Variants in KDM2B observed in about 807,000 individuals in gnomAD.
The protein encoded by KDM2B is lysine demethylase 2B.
In KDM2B, 26 loss-of-function variants were observed where a neutral mutation model predicts 150.0. The observed-to-expected ratio is 0.17, with a 90% CI of 0.13 to 0.24. The LOEUF (loss-of-function observed/expected upper bound fraction) is 0.24. Among genes scored for constraint, KDM2B ranks in the 10% least tolerant of loss-of-function variants. The pLI is 1.00. For missense variants in KDM2B, 1,265 were observed against 1,816.9 expected (o/e 0.70, Z 5.52); for synonymous variants, 734 against 729.5 (o/e 1.01, Z -0.10).
chr12:121,575,772 G>C lies in KDM2B; in HGVS notation c.350+9C>G. ...ACGGGGGAAGGAGTGATTAGTTTCA[G>C]CAACTTACTTAATTCCCAGTCCATC... On this transcript the variant is annotated intron_variant, in intron 3 of 22. Coordinates refer to ENST00000377071, the MANE Select transcript of KDM2B (RefSeq NM_032590.5). This position sits in a 1 kb window ranked among gnomAD's most constrained non-coding sequence, Gnocchi z 4.4. 6.2e-7 allele frequency: 1 copy of C among 1,600,524 alleles called. No homozygotes were observed. The highest frequency in any genetic ancestry group is 8.6e-7 in the Non-Finnish European group (1 of 1,167,534).
At position 121,452,700 on chromosome 12, in the gene KDM2B, C is replaced by T. The variant is rs1312189962; in HGVS notation, c.1959+420G>A. Among the ~76,000 whole-genome samples, 1 of 151,950 alleles carries T rather than the reference C, an allele frequency of 6.6e-6. No homozygotes were observed. Among genetic ancestry groups the T allele is most frequent in the East Asian group, 1.9e-4 (1 of 5,158 alleles). ...TGTGGAGGGGCGGGCCAGGCTCTCC[C>T]GGGCGCGGCTCCTCAGTACCATAAA... On this transcript the variant is annotated intron_variant, in intron 13 of 22. Coordinates refer to ENST00000377071, the MANE Select transcript of KDM2B (RefSeq NM_032590.5). The surrounding 1 kb of genome is among the most constrained non-coding windows in gnomAD (Gnocchi z 4.4).
At chr12:121,580,062 A>C in intron 1 of KDM2B, 1 of 1,569,334 alleles carries the variant, frequency 6.4e-7, no homozygotes, top group South Asian at 1.1e-5. Context: ...TTTTTTTAGG[A>C]GAGTTCACCA....
intron 11 of KDM2B, 32 bp downstream of exon 11, chr12:121,509,535 G>A: frequency 6.2e-7 from 1 of 1,600,136 alleles, no homozygotes; most frequent in Non-Finnish European, 8.5e-7. Context: ...GCCCTCCTCG[G>A]CCGCCCAGCC....
chr12:121,533,598 A>G lies in KDM2B; in HGVS notation c.778-639T>C, dbSNP rs892649585. On this transcript the variant is annotated intron_variant, in intron 7 of 22. Transcript: ENST00000377071. The surrounding 1 kb of genome is among the most constrained non-coding windows in gnomAD (Gnocchi z 4.1). ...TTCCTAGAGGCAGGTGGTGCTGGCA[A>G]CTAGACTTTAAAGTAAAAAGGTCCC... Among the ~76,000 whole-genome samples the G allele has an allele frequency of 6.6e-5, 10 of 152,290 alleles. No individual in the cohort carries two copies. The Middle Eastern group carries it at 0.01, about 155-fold the overall frequency.
intron 4 of KDM2B, among the ~76,000 whole-genome samples, chr12:121,563,811 C>T (rs1555314337): frequency 6.6e-6 from 1 of 151,482 alleles, no homozygotes; most frequent in African/African-American, 2.4e-5. Context: ...GCAGGAGAAT[C>T]ACTTGAACCT....
rs1872743269 is a variant in KDM2B at position 121,429,920 on chromosome 12, C to T, written c.*368G>A. 47 of 618,354 alleles carry T rather than the reference C, an allele frequency of 7.6e-5. No homozygotes were observed. The South Asian group carries it at 9.0e-4, about 12-fold the overall frequency. 38.3% of individuals were successfully genotyped at this position (618,354 alleles called of 1,614,324 possible). A position where few individuals can be genotyped will look rare whatever the true frequency, so the allele number is the denominator to read the frequency against. ...TCCACTTTATGTCAACACCCAAAACCTCGGTGTTGCAAGGAATGAAGTGTC... is the reference window on the plus strand; with the variant it reads ...TCCACTTTATGTCAACACCCAAAACTTCGGTGTTGCAAGGAATGAAGTGTC... On this transcript the variant is annotated 3_prime_UTR_variant, in exon 23 of 23. Transcript: ENST00000377071.
rs202196843 is a variant in KDM2B, at chr12:121,575,899, C to G, written c.272-40G>C. ...GAATTAAAACAAGTTGGTTAAGTCA[C>G]GAAGGAGCAAATGAACCGGGATCTG... On this transcript the variant is annotated intron_variant, in intron 2 of 22. Coordinates refer to ENST00000377071, the MANE Select transcript of KDM2B (RefSeq NM_032590.5). This position sits in a 1 kb window ranked among gnomAD's most constrained non-coding sequence, Gnocchi z 4.4. The G allele has an allele frequency of 1.1e-5, 17 of 1,486,136 alleles. No homozygotes were observed. The highest frequency in any genetic ancestry group is 1.4e-5 in the Non-Finnish European group (15 of 1,063,802). 92.1% of individuals were successfully genotyped at this position (1,486,136 alleles called of 1,614,324 possible). A position where few individuals can be genotyped will look rare whatever the true frequency, so the allele number is the denominator to read the frequency against.
chr12:121,577,019 G>A (rs1891541724), intron 2 of KDM2B, among the ~76,000 whole-genome samples: 1 of 152,200 alleles, frequency 6.6e-6, no homozygotes, highest in Admixed American at 6.5e-5. Context: ...GGATTTAAAG[G>A]AAGAGAAGTT....
At chr12:121,448,366 T>A (rs920953283) in intron 13 of KDM2B, among the ~76,000 whole-genome samples, 1 of 151,338 alleles carries the variant, frequency 6.6e-6, no homozygotes, top group East Asian at 1.9e-4. Flanking sequence ...TTTTTTTTTT[T>A]AGCTAAAGTC....
At chr12:121,552,160 G>C (rs1889552924) in intron 4 of KDM2B, among the ~76,000 whole-genome samples, 1 of 152,078 alleles carries the variant, frequency 6.6e-6, no homozygotes, top group Admixed American at 6.6e-5. Context: ...ATATTATCTT[G>C]TGTTAGGTTC....
At chr12:121,535,104 C>T (rs1169661818) in intron 6 of KDM2B, among the ~76,000 whole-genome samples, 2 of 152,016 alleles carry the variant, frequency 1.3e-5, no homozygotes, top group Non-Finnish European at 2.9e-5. Context: ...AGGTCCAGCC[C>T]CGAGCCAGCT....
In KDM2B at chr12:121,547,793, C is replaced by A. The variant is rs193239973; in HGVS notation, c.683+1084G>T. ...GAGTAGCTGGAATTACAGGCGTGCACCACCACACCGGGTCAATTTTTGTAT... is the reference window on the plus strand; with the variant it reads ...GAGTAGCTGGAATTACAGGCGTGCAACACCACACCGGGTCAATTTTTGTAT... On this transcript the variant is annotated intron_variant, in intron 6 of 22. Coordinates refer to ENST00000377071, the MANE Select transcript of KDM2B (RefSeq NM_032590.5). Among the ~76,000 whole-genome samples the A allele has an allele frequency of 3.9e-5, 6 of 152,094 alleles. No homozygotes were observed. The East Asian group carries it at 7.7e-4, about 20-fold the overall frequency.
chr12:121,498,372 C>A (rs1293666346), intron 11 of KDM2B, among the ~76,000 whole-genome samples: 1 of 152,174 alleles, frequency 6.6e-6, no homozygotes, highest in Non-Finnish European at 1.5e-5. Flanking sequence ...CTGGAAAACA[C>A]ATGGCCCATT....
At chr12:121,439,482 C>T (rs890542911) in intron 22 of KDM2B, among the ~76,000 whole-genome samples, 13 of 149,666 alleles carry the variant, frequency 8.7e-5, no homozygotes, top group South Asian at 4.2e-4. Flanking sequence ...CAGTTTCAAG[C>T]GATTCTCCTG....
chr12:121,488,051 G>A (rs782664257), intron 12 of KDM2B, among the ~76,000 whole-genome samples: 1 of 152,082 alleles, frequency 6.6e-6, no homozygotes, highest in Non-Finnish European at 1.5e-5. Context: ...CCAAAGTGCT[G>A]GGATTATAGG....
At chr12:121,425,872 T>A (rs939093134), downstream of KDM2B, among the ~76,000 whole-genome samples, 31 of 152,020 alleles carry the variant, frequency 2.0e-4, no homozygotes, top group Non-Finnish European at 3.8e-4. Flanking sequence ...GTTCATGCCA[T>A]TCTCCTGCCT....
rs782727260 is a variant in KDM2B at position 121,442,435 on chromosome 12, G to A, written c.3006C>T (p.Asn1002=). The A allele has an allele frequency of 1.9e-6, 3 of 1,599,702 alleles. No individual in the cohort carries two copies. Among genetic ancestry groups the A allele is most frequent in the Admixed American group, 1.7e-5 (1 of 59,766 alleles). The change falls in exon 19 of 23, where the codon AAC becomes AAT. Residue 1002 remains asparagine (N), a synonymous_variant. Transcript: ENST00000377071. The surrounding 1 kb of genome is among the most constrained non-coding windows in gnomAD (Gnocchi z 7.7). ...GGTGCCGCAGCTCCCGGGGGGTGCC[G>A]TTGAGCCCCTTGCTGAAGCGGTGGG... is the stretch of plus-strand genomic sequence containing the variant. ...ERPHRFSKGL[N]GTPRELRHQL...
At chr12:121,432,455 G>A (rs892415413) in intron 22 of KDM2B, among the ~76,000 whole-genome samples, 2 of 152,154 alleles carry the variant, frequency 1.3e-5, no homozygotes, top group African/African-American at 4.8e-5. Context: ...TGACCAGTTA[G>A]ATTTGAACTC....
At position 121,532,807 on chromosome 12, in the gene KDM2B, G is replaced by T; in HGVS notation, c.930C>A (p.Ser310=). The T allele has an allele frequency of 6.2e-7, 1 of 1,614,090 alleles. No individual in the cohort carries two copies. The change falls in exon 8 of 23, where the codon TCC becomes TCA. Residue 310 remains serine, a splice_region_variant and synonymous_variant. Coordinates refer to ENST00000377071, the MANE Select transcript of KDM2B (RefSeq NM_032590.5). ...CAGAGAGTGCCCCTGGAAACCTACC[G>T]GAAGGGATGAAAAATGTGTAGCCCT... is the stretch of plus-strand genomic sequence containing the variant. The part of the protein sequence containing the change: ...LKQGYTFFIP[S]GWIHAVYTPV...
Sources: gnomAD v4.1 joint callset for allele counts (sites outside exome capture counted in the v4.1 genomes callset) on GRCh38, gnomAD v4.1.1 for gene constraint, Gnocchi (gnomAD v3.1) non-coding constraint, MANE v1.5 for transcripts, NCBI Gene and HGNC (gene_info 2026-07-23, HGNC 2026-07-21) for gene names.